The following FAAH2 variants were observed in gnomAD, a reference collection of about 807,000 sequenced individuals.
The protein encoded by FAAH2 is fatty-acid amide hydrolase 2.
FAAH2 carries 60 observed loss-of-function variants against 36.9 expected under a neutral mutation model. That is an observed-to-expected ratio of 1.63 (90% CI 1.32 to 2.02). FAAH2 has a LOEUF of 2.02. Ranked by LOEUF, FAAH2 falls within the 30% of genes most tolerant of loss-of-function variation. The pLI is 0.00. For missense variants in FAAH2, 689 were observed against 397.5 expected (o/e 1.73, Z -6.23); for synonymous variants, 214 against 143.8 (o/e 1.49, Z -3.49).
At chrX:57,130,407 T>G in the FAAH2 span, among the ~76,000 whole-genome samples, 2 of 111,897 alleles carry the variant, frequency 1.8e-5, no homozygotes, top group East Asian at 5.6e-4. Flanking sequence ...ACAGCACCCC[T>G]CTCCTTCCAT....
chrX:57,136,991 C>T, the FAAH2 span: 1 of 888,388 alleles, frequency 1.1e-6, no homozygotes, highest in Admixed American at 5.8e-5. Context: ...CTGTAACCCC[C>T]ACTGCCTATC....
In FAAH2 at chrX:57,301,346, G is replaced by A. The variant is rs1371016727; in HGVS notation, c.275+8766G>A. 1.0e-4 allele frequency among the ~76,000 whole-genome samples: 11 copies of A among 107,863 alleles called. 1 individual carries two copies. The highest frequency in any genetic ancestry group is 2.0e-4 in the Admixed American group (2 of 9,868). The allele number at this position is 107,863 out of a possible 115,157, so 93.7% of individuals were successfully genotyped here. On this transcript the variant is annotated intron_variant, in intron 2 of 10. Coordinates refer to ENST00000374900, the MANE Select transcript of FAAH2 (RefSeq NM_174912.4). ...ATGAAGCTGGAAACCATCATTCTCA[G>A]CAAACTATCACAAGGACAAAAAACC...
the FAAH2 span, among the ~76,000 whole-genome samples, chrX:57,269,492 C>T: frequency 1.8e-5 from 2 of 111,591 alleles, no homozygotes; most frequent in African/African-American, 6.5e-5. Flanking sequence ...CTTTCATAAG[C>T]AAATTCAAGA....
intron 3 of FAAH2, among the ~76,000 whole-genome samples, chrX:57,329,754 G>A (rs1289315081): frequency 2.3e-4 from 25 of 110,790 alleles, no homozygotes; most frequent in Non-Finnish European, 1.5e-4. Context: ...GGAAGTCAGG[G>A]ACCCCAAACA....
At chrX:57,378,180 G>A (rs2054736208) in intron 5 of FAAH2, among the ~76,000 whole-genome samples, 1 of 112,219 alleles carries the variant, frequency 8.9e-6, no homozygotes, top group Non-Finnish European at 1.9e-5. Context: ...CATCAAAATA[G>A]CCTGTTCTTT....
At chrX:57,232,823 AT>A in the FAAH2 span, among the ~76,000 whole-genome samples, 2 of 112,306 alleles carry the variant, frequency 1.8e-5, no homozygotes, top group Non-Finnish European at 3.8e-5. Context: ...CTCATGTGTC[AT>A]TTCTGACTCA....
intron 3 of FAAH2, among the ~76,000 whole-genome samples, chrX:57,319,308 G>C (rs1006776786): frequency 8.9e-6 from 1 of 112,017 alleles, no homozygotes; most frequent in Non-Finnish European, 1.9e-5. Context: ...AAGCTGATAA[G>C]CAACTTCAGC....
intron 5 of FAAH2, among the ~76,000 whole-genome samples, chrX:57,350,458 T>C (rs1465756341): frequency 9.1e-6 from 1 of 109,735 alleles, no homozygotes; most frequent in Non-Finnish European, 1.9e-5. Flanking sequence ...AAAAATAACT[T>C]ATGAAACAAG....
chrX:57,382,116 T>G (rs2054868361), intron 7 of FAAH2, among the ~76,000 whole-genome samples: 1 of 111,498 alleles, frequency 9.0e-6, no homozygotes, highest in African/African-American at 3.3e-5. Context: ...AAAGATGTTC[T>G]TTGAAACCAA....
intron 7 of FAAH2, among the ~76,000 whole-genome samples, chrX:57,400,918 T>G (rs2055417122): frequency 9.0e-6 from 1 of 110,772 alleles, no homozygotes; most frequent in African/African-American, 3.3e-5. Flanking sequence ...GTCAGGAGAT[T>G]GAGACCATCC....
Position 57,288,338 on chromosome X carries a change from C to CTTTTTTTTTTT in FAAH2, c.192+1340_192+1350dup, listed in dbSNP as rs771871081. On this transcript the variant is annotated intron_variant, in intron 1 of 10. Coordinates refer to ENST00000374900, the MANE Select transcript of FAAH2 (RefSeq NM_174912.4). ...TAGCTCTGTGATCTTAAAAACATTT[C>CTTTTTTTTTTT]TTTTTTTTTTTTTTTTTTTTTTTTT... Among the ~76,000 whole-genome samples the CTTTTTTTTTTT allele has an allele frequency of 1.4e-3, 57 of 40,351 alleles. 13 individuals are homozygous for CTTTTTTTTTTT. Among genetic ancestry groups the CTTTTTTTTTTT allele is most frequent in the African/African-American group, 7.5e-3 (55 of 7,304 alleles). 35.0% of individuals were successfully genotyped at this position (40,351 alleles called of 115,157 possible).
At chrX:57,443,868 C>A (rs944381756) in intron 8 of FAAH2, among the ~76,000 whole-genome samples, 1 of 112,137 alleles carries the variant, frequency 8.9e-6, no homozygotes, top group Non-Finnish European at 1.9e-5. Context: ...TTGGAGTTTA[C>A]TAAGGTCCAC....
chrX:57,286,169 G>T (rs1157354809), upstream of FAAH2, among the ~76,000 whole-genome samples: 1 of 111,893 alleles, frequency 8.9e-6, no homozygotes, highest in Non-Finnish European at 1.9e-5. Context: ...CAAGTGTCCA[G>T]TTTAGGAGAC....
the FAAH2 span, among the ~76,000 whole-genome samples, chrX:57,177,882 G>T: frequency 9.1e-6 from 1 of 110,079 alleles, no homozygotes; most frequent in African/African-American, 3.3e-5. Context: ...GAAAGTTCAG[G>T]AATGCTTGGC....
At chrX:57,191,006 G>T in the FAAH2 span, among the ~76,000 whole-genome samples, 1 of 111,495 alleles carries the variant, frequency 9.0e-6, no homozygotes, top group Non-Finnish European at 1.9e-5. Context: ...TATAAACCCA[G>T]CCATGAGATT....
intron 3 of FAAH2, among the ~76,000 whole-genome samples, chrX:57,329,789 G>A (rs1245094888): frequency 1.8e-5 from 2 of 111,485 alleles, no homozygotes; most frequent in African/African-American, 3.3e-5. Flanking sequence ...AGCCATGGCT[G>A]AAGAACTTGG....
intron 10 of FAAH2, among the ~76,000 whole-genome samples, chrX:57,450,804 T>C (rs1719798516): frequency 2.7e-5 from 3 of 111,323 alleles, no homozygotes; most frequent in Admixed American, 1.9e-4. Flanking sequence ...AATGTAATAA[T>C]GTGTAGAGTG....
rs144099366 is a variant in FAAH2, at chrX:57,468,276, G to T, written c.1423+19558G>T. 5.1e-3 allele frequency among the ~76,000 whole-genome samples: 570 copies of T among 111,948 alleles called. 4 individuals are homozygous for T. Among genetic ancestry groups the T allele is most frequent in the African/African-American group, 0.017 (529 of 30,862 alleles). ...GACTTTGACGAGTTGAGAGAAGAAG[G>T]CTTCAGATGATCAAACTTCTCTGAG... On this transcript the variant is annotated intron_variant, in intron 10 of 10. Transcript: ENST00000374900.
the FAAH2 span, among the ~76,000 whole-genome samples, chrX:57,227,891 T>C: frequency 5.4e-5 from 6 of 111,069 alleles, no homozygotes; most frequent in South Asian, 3.9e-4. Context: ...TATGGCTGCC[T>C]CTGCTGAGTC....
Sources: allele counts gnomAD v4.1 joint callset (sites outside exome capture counted in the v4.1 genomes callset), GRCh38; gene constraint gnomAD v4.1.1; transcripts MANE v1.5; gene names NCBI Gene and HGNC (gene_info 2026-07-23, HGNC 2026-07-21).